FOXP1: variants seen among roughly 807,000 people sequenced by gnomAD.
FOXP1 encodes forkhead box P1.
FOXP1 carries 15 observed loss-of-function variants against 98.2 expected under a neutral mutation model. The ratio of observed to expected loss-of-function variants is 0.15; its 90% CI spans 0.10 to 0.24. The LOEUF is 0.24. Among genes scored for constraint, FOXP1 ranks in the 10% least tolerant of loss-of-function variants. The pLI is 1.00. For synonymous variants in FOXP1, 371 were observed against 314.5 expected, an observed-to-expected ratio of 1.18 and a Z score of -1.90; for missense variants, 633 against 848.5, an observed-to-expected ratio of 0.75 and a Z score of 3.15.
intron 2 of FOXP1, chr3:71,573,864 T>A (rs1387406209): frequency 6.6e-6 from 1 of 152,176 alleles, no homozygotes; most frequent in Non-Finnish European, 1.5e-5. Context: ...AAAAAAGGTC[T>A]GTCATTGATT....
chr3:71,202,971 C>T (rs142690360), intron 5 of FOXP1, among the ~76,000 whole-genome samples: 2 of 152,130 alleles, frequency 1.3e-5, no homozygotes, highest in African/African-American at 2.4e-5. Flanking sequence ...GTATGCATAA[C>T]CTCTGCTTCT....
At chr3:70,998,679 A>C in intron 13 of FOXP1, among the ~76,000 whole-genome samples, 1 of 152,222 alleles carries the variant, frequency 6.6e-6, no homozygotes, top group East Asian at 1.9e-4. Context: ...TTTATAGCTG[A>C]AGGATAAAAG....
chr3:70,980,333 T>C (rs543604861), intron 14 of FOXP1, among the ~76,000 whole-genome samples: 25 of 152,334 alleles, frequency 1.6e-4, no homozygotes, highest in African/African-American at 5.8e-4. Context: ...ATACAGCTTT[T>C]ATAATTCAGA....
intron 2 of FOXP1, among the ~76,000 whole-genome samples, chr3:71,510,493 G>C (rs552545869): frequency 6.6e-6 from 1 of 152,020 alleles, no homozygotes; most frequent in African/African-American, 2.4e-5. Flanking sequence ...AAAAAAATCA[G>C]TTGATCTTGG....
intron 14 of FOXP1, among the ~76,000 whole-genome samples, chr3:70,984,528 C>A (rs569414663): frequency 6.6e-6 from 1 of 152,310 alleles, no homozygotes; most frequent in Non-Finnish European, 1.5e-5. Flanking sequence ...AGACTCTGAA[C>A]ACCTCCATGG....
chr3:71,570,487 T>C (rs543011892), intron 2 of FOXP1: 78 of 152,398 alleles, frequency 5.1e-4, no homozygotes, highest in African/African-American at 1.8e-3. Flanking sequence ...ACACGGTGCA[T>C]GGTCCAGCTC....
At chr3:71,062,251 T>C (rs921967579) in intron 7 of FOXP1, among the ~76,000 whole-genome samples, 2 of 152,240 alleles carry the variant, frequency 1.3e-5, no homozygotes, top group Non-Finnish European at 2.9e-5. Context: ...GATGCATTAT[T>C]TCAGCTAGTT....
intron 2 of FOXP1, among the ~76,000 whole-genome samples, chr3:71,533,578 G>T (rs182091124): frequency 6.6e-6 from 1 of 152,068 alleles, no homozygotes; most frequent in African/African-American, 2.4e-5. Context: ...CCAGATTTTC[G>T]ACTGTGTGGA....
intron 3 of FOXP1, among the ~76,000 whole-genome samples, chr3:71,384,171 G>A (rs1352974646): frequency 6.6e-6 from 1 of 152,184 alleles, no homozygotes; most frequent in Admixed American, 6.5e-5. Context: ...AGTGAGCTGA[G>A]ATCGCCCGTT....
At chr3:71,042,623 G>A (rs1005095543) in intron 10 of FOXP1, among the ~76,000 whole-genome samples, 1 of 152,178 alleles carries the variant, frequency 6.6e-6, no homozygotes, top group African/African-American at 2.4e-5. Flanking sequence ...CGTCTGGATT[G>A]CAGTTCATTG....
intron 3 of FOXP1, among the ~76,000 whole-genome samples, chr3:71,452,236 G>T (rs1487365140): frequency 3.3e-5 from 5 of 152,096 alleles, no homozygotes; most frequent in African/African-American, 9.7e-5. Context: ...ATCATGAAAA[G>T]CTCTAACATA....
At chr3:71,426,756 C>A (rs528248062) in intron 3 of FOXP1, among the ~76,000 whole-genome samples, 12 of 152,270 alleles carry the variant, frequency 7.9e-5, no homozygotes, top group African/African-American at 2.9e-4. Context: ...CCCCTTCTTG[C>A]ACTGTCTCTT....
chr3:71,128,983 G>A (rs1035805134), intron 6 of FOXP1, among the ~76,000 whole-genome samples: 5 of 151,926 alleles, frequency 3.3e-5, no homozygotes, highest in African/African-American at 7.3e-5. Context: ...CATGGCTTTC[G>A]GAGTGGAAAA....
intron 6 of FOXP1, chr3:71,130,548 T>C (rs2059505586): frequency 6.3e-7 from 1 of 1,598,340 alleles, no homozygotes; most frequent in African/African-American, 1.3e-5. Flanking sequence ...TGCCTTTGGA[T>C]TTCCGTCTTC....
At chr3:71,582,765 T>A in intron 1 of FOXP1, 2 of 984,742 alleles carry the variant, frequency 2.0e-6, no homozygotes, top group Non-Finnish European at 2.4e-6. Flanking sequence ...CGCGTAGGGG[T>A]GCGTGTCTGG....
At chr3:71,318,979 ATT>A (rs2075241824) in intron 4 of FOXP1, among the ~76,000 whole-genome samples, 1 of 152,252 alleles carries the variant, frequency 6.6e-6, no homozygotes. Flanking sequence ...TGAGGAGGAC[ATT>A]CATAAACAGA....
At chr3:71,175,368 C>T (rs938520294) in intron 6 of FOXP1, among the ~76,000 whole-genome samples, 5 of 152,186 alleles carry the variant, frequency 3.3e-5, no homozygotes, top group African/African-American at 1.2e-4. Context: ...CGTATGTGGC[C>T]ACGATGACAC....
At chr3:71,092,342 C>A (rs556264916) in intron 7 of FOXP1, among the ~76,000 whole-genome samples, 1 of 152,078 alleles carries the variant, frequency 6.6e-6, no homozygotes. Context: ...CATCACTGCA[C>A]TCCAGCCTGG....
At chr3:71,414,473 A>G (rs184649119) in intron 3 of FOXP1, among the ~76,000 whole-genome samples, 99 of 152,334 alleles carry the variant, frequency 6.5e-4, no homozygotes, top group African/African-American at 2.3e-3. Flanking sequence ...CAGGGGATGC[A>G]GCCCCAGGCT....
Sources: gnomAD v4.1 joint callset for allele counts (sites outside exome capture counted in the v4.1 genomes callset) on GRCh38, gnomAD v4.1.1 for gene constraint, MANE v1.5 for transcripts, NCBI Gene and HGNC (gene_info 2026-07-23, HGNC 2026-07-21) for gene names.